The following SHANK2 variants were observed in gnomAD, a reference collection of about 807,000 sequenced individuals.
SHANK2 encodes SH3 and multiple ankyrin repeat domains 2, also known as SH3 and multiple ankyrin repeat domains protein 2.
SHANK2 carries 43 observed loss-of-function variants against 133.7 expected under a neutral mutation model. The observed-to-expected ratio is 0.32, with a 90% confidence interval of 0.25 to 0.41. The LOEUF (loss-of-function observed/expected upper bound fraction) is 0.41. Among genes scored for constraint, SHANK2 ranks in the 10% least tolerant of loss-of-function variants. The probability of loss-of-function intolerance (pLI) is 1.00; values close to 1 mark genes in which losing one functional copy is unlikely to be tolerated. For synonymous variants in SHANK2, 1,017 were observed against 952.8 expected (o/e 1.07, Z -1.24); for missense variants, 1,994 against 2,235.8 (o/e 0.89, Z 2.18).
At chr11:70,841,323 A>G (rs1948900878) in intron 11 of SHANK2, among the ~76,000 whole-genome samples, 1 of 152,174 alleles carries the variant, frequency 6.6e-6, no homozygotes, top group Non-Finnish European at 1.5e-5. Context: ...GCAGCAGGTG[A>G]TGCCTGTGAC....
At chr11:71,227,950 G>A (rs1555122492) in intron 1 of SHANK2, among the ~76,000 whole-genome samples, 1 of 151,578 alleles carries the variant, frequency 6.6e-6, no homozygotes, top group East Asian at 1.9e-4. Flanking sequence ...AAACAACAGA[G>A]AAAATCAGTG....
intron 17 of SHANK2, among the ~76,000 whole-genome samples, chr11:70,611,466 G>A (rs1421832098): frequency 6.6e-6 from 1 of 152,236 alleles, no homozygotes; most frequent in African/African-American, 2.4e-5. Context: ...ATGCCCCATG[G>A]CAGCCCTGGG....
At chr11:70,741,072 C>A (rs2134805396) in intron 14 of SHANK2, among the ~76,000 whole-genome samples, 1 of 152,314 alleles carries the variant, frequency 6.6e-6, no homozygotes, top group South Asian at 2.1e-4. Context: ...ATCCAATCAT[C>A]CATCTCATAA....
At chr11:70,554,338 C>T (rs2136097460) in intron 17 of SHANK2, among the ~76,000 whole-genome samples, 1 of 152,338 alleles carries the variant, frequency 6.6e-6, no homozygotes, top group East Asian at 1.9e-4. Flanking sequence ...CACAGTGCAG[C>T]TTCAGGGAGG....
chr11:71,152,123 T>G (rs1272959281), intron 2 of SHANK2, among the ~76,000 whole-genome samples: 1 of 152,164 alleles, frequency 6.6e-6, no homozygotes, highest in Non-Finnish European at 1.5e-5. Flanking sequence ...CTTTGTTTGT[T>G]TTTTATTGAG....
intron 9 of SHANK2, among the ~76,000 whole-genome samples, chr11:71,062,341 G>C (rs1950997905): frequency 6.6e-6 from 1 of 152,258 alleles, no homozygotes; most frequent in Non-Finnish European, 1.5e-5. Context: ...AAAACGAAGA[G>C]GAGGCGGAGA....
At chr11:70,691,353 G>T (rs888543954) in intron 15 of SHANK2, among the ~76,000 whole-genome samples, 5 of 152,132 alleles carry the variant, frequency 3.3e-5, no homozygotes, top group Admixed American at 1.3e-4. Context: ...GGACACTCAG[G>T]TCCCCCGTTT....
intron 8 of SHANK2, among the ~76,000 whole-genome samples, chr11:71,075,775 G>A (rs1188046915): frequency 1.3e-5 from 2 of 152,160 alleles, no homozygotes; most frequent in African/African-American, 2.4e-5. Context: ...GACGTGCGAC[G>A]GACGGCCCCA....
intron 2 of SHANK2, among the ~76,000 whole-genome samples, chr11:71,194,091 A>T (rs1953849599): frequency 6.6e-6 from 1 of 152,198 alleles, no homozygotes; most frequent in Admixed American, 6.5e-5. Context: ...AAATCAAGGC[A>T]GAGAGAGATC....
At chr11:70,550,714 G>T (rs1274744844) in intron 17 of SHANK2, among the ~76,000 whole-genome samples, 2 of 152,184 alleles carry the variant, frequency 1.3e-5, no homozygotes, top group Non-Finnish European at 1.5e-5. Context: ...GGTGAAGGGG[G>T]TATACCCTGT....
rs373344592 is a variant in SHANK2 at position 71,110,220 on chromosome 11, C to T, written c.484-171G>A. On this transcript the variant is annotated intron_variant, in intron 5 of 25. Transcript: ENST00000601538. Reference sequence around the variant, plus strand: ...TTGTGAGGCCGAGGCGGGCAGATCACGAGGTCAGGAGATCGAGACCATCCT... The same window carrying T: ...TTGTGAGGCCGAGGCGGGCAGATCATGAGGTCAGGAGATCGAGACCATCCT... Among the ~76,000 whole-genome samples, 9 of 152,278 alleles carry T rather than the reference C, an allele frequency of 5.9e-5. No individual in the cohort carries two copies. The East Asian group carries it at 7.7e-4, about 13-fold the overall frequency.
At chr11:70,567,778 C>T (rs4980611) in intron 17 of SHANK2, among the ~76,000 whole-genome samples, 73,598 of 152,004 alleles carry the variant, frequency 0.48, 18,182 homozygotes, top group East Asian at 0.75. Context: ...TTCTGGACTC[C>T]AGAACTGTGA....
chr11:70,818,324 C>T (rs1375380191), intron 12 of SHANK2, among the ~76,000 whole-genome samples: 1 of 152,076 alleles, frequency 6.6e-6, no homozygotes, highest in Non-Finnish European at 1.5e-5. Context: ...CACATACACA[C>T]ATGCACACAC....
intron 18 of SHANK2, 51 bp downstream of exon 18, chr11:70,502,735 GCCCCCACCCC>G: frequency 2.4e-6 from 1 of 418,842 alleles, no homozygotes; most frequent in Non-Finnish European, 3.8e-6. Context: ...TGTCCTGCCC[GCCCCCACCCC>G]CCCCCCCCAG....
intron 4 of SHANK2, among the ~76,000 whole-genome samples, chr11:71,116,955 T>G (rs2135257062): frequency 6.6e-6 from 1 of 152,326 alleles, no homozygotes; most frequent in Middle Eastern, 3.4e-3. Flanking sequence ...GGCACCACAC[T>G]TTCTGTACAG....
intron 17 of SHANK2, among the ~76,000 whole-genome samples, chr11:70,635,672 T>C (rs1247803443): frequency 6.6e-6 from 1 of 151,918 alleles, no homozygotes; most frequent in Non-Finnish European, 1.5e-5. Context: ...GCCACTGAAA[T>C]GTATACTTAA....
At chr11:71,163,957 CAG>C (rs1476062383) in intron 2 of SHANK2, among the ~76,000 whole-genome samples, 1 of 152,216 alleles carries the variant, frequency 6.6e-6, no homozygotes, top group African/African-American at 2.4e-5. Context: ...GCTGATAGTA[CAG>C]AGAGTTCCCA....
intron 2 of SHANK2, among the ~76,000 whole-genome samples, chr11:71,192,437 T>C (rs1170258163): frequency 2.0e-5 from 3 of 152,216 alleles, no homozygotes; most frequent in East Asian, 3.8e-4. Flanking sequence ...TGCTACTTTA[T>C]GTCAGAATCC....
chr11:71,177,144 T>C (rs1326981019), intron 2 of SHANK2, among the ~76,000 whole-genome samples: 1 of 130,046 alleles, frequency 7.7e-6, no homozygotes, highest in Non-Finnish European at 1.7e-5. Flanking sequence ...AAAGAATTCA[T>C]GACCAGGAGA....
Sources: allele counts gnomAD v4.1 joint callset (sites outside exome capture counted in the v4.1 genomes callset), GRCh38; gene constraint gnomAD v4.1.1; transcripts MANE v1.5; gene names NCBI Gene and HGNC (gene_info 2026-07-23, HGNC 2026-07-21).